Variants in KAZN observed in about 807,000 individuals in gnomAD.
KAZN encodes the protein kazrin, periplakin interacting protein.
In KAZN, 40 loss-of-function variants were observed where a neutral mutation model predicts 87.4. That is an observed-to-expected ratio of 0.46 (90% CI 0.36 to 0.60). The LOEUF (loss-of-function observed/expected upper bound fraction) is 0.60, where lower values mean the gene tolerates loss of function less well. Among genes scored for constraint, KAZN ranks in the 20% least tolerant of loss-of-function variants. KAZN has a pLI of 0.00. For synonymous variants in KAZN, 466 were observed against 458.3 expected (o/e 1.02, Z -0.22); for missense variants, 898 against 1,073.9 (o/e 0.84, Z 2.29).
chr1:14,339,602 C>T (rs1045537341), intron 2 of KAZN, among the ~76,000 whole-genome samples: 5 of 152,164 alleles, frequency 3.3e-5, no homozygotes, highest in Non-Finnish European at 5.9e-5. Context: ...AGCTCAAAGG[C>T]AGGAGAAATT....
intron 2 of KAZN, among the ~76,000 whole-genome samples, chr1:14,532,734 C>G (rs1672281013): frequency 6.7e-6 from 1 of 148,744 alleles, no homozygotes; most frequent in African/African-American, 2.5e-5. Flanking sequence ...GTTTTTTTGT[C>G]CTTGTGATAG....
At position 14,774,106 on chromosome 1, in the gene KAZN, C is replaced by T. The variant is rs113944312; in HGVS notation, c.226+174883C>T. ...ATGCTTTCTTTTCCAGCACCGATAG[C>T]TCTTACCTCTTCCCTAAGCCTCGAC... On this transcript the variant is annotated intron_variant, in intron 1 of 14. Transcript: ENST00000376030. Among the ~76,000 whole-genome samples, 841 of 152,312 alleles carry T rather than the reference C, an allele frequency of 5.5e-3. 3 individuals are homozygous for T. Among genetic ancestry groups the T allele is most frequent in the Non-Finnish European group, 9.4e-3 (639 of 68,026 alleles).
chr1:14,865,916 C>A (rs1651401806), intron 1 of KAZN, among the ~76,000 whole-genome samples: 1 of 152,122 alleles, frequency 6.6e-6, no homozygotes, highest in Admixed American at 6.5e-5. Flanking sequence ...AAGAAACCAC[C>A]AGAAGCTGGG....
At chr1:13,908,418 T>G (rs1199835199) in intron 1 of KAZN, among the ~76,000 whole-genome samples, 1 of 150,846 alleles carries the variant, frequency 6.6e-6, no homozygotes, top group Non-Finnish European at 1.5e-5. Context: ...TCTTTGGCCT[T>G]GACGGCTCTT....
chr1:14,267,999 C>G (rs1195512714), intron 2 of KAZN, among the ~76,000 whole-genome samples: 2 of 152,140 alleles, frequency 1.3e-5, no homozygotes, highest in African/African-American at 2.4e-5. Flanking sequence ...TGTATATATT[C>G]TCAAGTTTAT....
At chr1:14,619,697 T>C (rs75194917) in intron 1 of KAZN, among the ~76,000 whole-genome samples, 1,645 of 152,294 alleles carry the variant, frequency 0.011, 35 homozygotes, top group African/African-American at 0.036. Context: ...TTCCCATTCT[T>C]CCTGCCTCCA....
At chr1:14,424,274 A>C (rs1456265318) in intron 2 of KAZN, among the ~76,000 whole-genome samples, 1 of 152,222 alleles carries the variant, frequency 6.6e-6, no homozygotes, top group African/African-American at 2.4e-5. Context: ...TGATCATTAC[A>C]CTTCACGTAA....
intron 2 of KAZN, among the ~76,000 whole-genome samples, chr1:14,276,173 G>A (rs1281006382): frequency 1.5e-5 from 1 of 65,426 alleles, no homozygotes; most frequent in African/African-American, 3.9e-5. Context: ...GTGTGTGTGT[G>A]TGTGTGTGTG....
At chr1:14,813,338 G>C (rs528558248) in intron 1 of KAZN, among the ~76,000 whole-genome samples, 1 of 152,316 alleles carries the variant, frequency 6.6e-6, no homozygotes, top group African/African-American at 2.4e-5. Flanking sequence ...AAGCCTTGCG[G>C]TTTCCACCTG....
chr1:14,838,578 T>C (rs1167676595), intron 1 of KAZN, among the ~76,000 whole-genome samples: 2 of 152,168 alleles, frequency 1.3e-5, no homozygotes, highest in Non-Finnish European at 2.9e-5. Flanking sequence ...GCTCCCCTCT[T>C]GATCCCATTC....
At chr1:14,340,870 T>TAAA (rs1553159895) in intron 2 of KAZN, among the ~76,000 whole-genome samples, 20 of 149,974 alleles carry the variant, frequency 1.3e-4, no homozygotes, top group Non-Finnish European at 2.8e-4. Context: ...TATATCTCCG[T>TAAA]AAGGGTCATG....
chr1:14,940,112 G>A (rs1404613905), intron 1 of KAZN, among the ~76,000 whole-genome samples: 1 of 152,196 alleles, frequency 6.6e-6, no homozygotes, highest in Non-Finnish European at 1.5e-5. Context: ...TCAGTCAGCT[G>A]CCTCTGTAAG....
At position 15,110,505 on chromosome 1, in the gene KAZN, ATTTGTGTG is replaced by A. The variant is rs755720952; in HGVS notation, c.2049-1912_2049-1905del. ...TTTGTGTGTGTATGTATGTGTGTGT[ATTTGTGTG>A]TTTGTGTGTATGTGTTTGTGTGTGT... On this transcript the variant is annotated intron_variant, in intron 13 of 14. Transcript: ENST00000376030. Among the ~76,000 whole-genome samples the A allele has an allele frequency of 3.3e-4, 5 of 15,084 alleles. No homozygotes were observed. In the Admixed American group the frequency reaches 3.4e-3, roughly 10 times the overall value. 9.9% of individuals were successfully genotyped at this position (15,084 alleles called of 152,430 possible).
chr1:14,791,025 C>A (rs1645658958), intron 1 of KAZN, among the ~76,000 whole-genome samples: 1 of 152,148 alleles, frequency 6.6e-6, no homozygotes, highest in Non-Finnish European at 1.5e-5. Flanking sequence ...GGCTGGATTC[C>A]ATTTGCTGCC....
intron 2 of KAZN, among the ~76,000 whole-genome samples, chr1:14,511,725 G>A (rs74059555): frequency 6.6e-6 from 1 of 152,058 alleles, no homozygotes; most frequent in African/African-American, 2.4e-5. Context: ...GTTATTATAT[G>A]TGTATCAAAT....
At chr1:15,039,227 T>TC (rs34582207) in intron 3 of KAZN, among the ~76,000 whole-genome samples, 33,533 of 151,914 alleles carry the variant, frequency 0.22, 3,936 homozygotes, top group Non-Finnish European at 0.26. Context: ...TTGTCCCCAT[T>TC]CCCCCCATTT....
chr1:14,092,601 A>C (rs1644028473), intron 1 of KAZN, among the ~76,000 whole-genome samples: 1 of 151,948 alleles, frequency 6.6e-6, no homozygotes, highest in African/African-American at 2.4e-5. Context: ...ACATATACAC[A>C]CATATATACA....
chr1:14,583,096 C>G (rs148206673), intron 2 of KAZN, among the ~76,000 whole-genome samples: 3 of 152,192 alleles, frequency 2.0e-5, no homozygotes, highest in Non-Finnish European at 2.9e-5. Context: ...CAAACCTATG[C>G]GACAGAAACT....
rs58803467 is a variant in KAZN, at chr1:14,417,993, C to CAAAAAAA, written c.250-180945_250-180939dup. On this transcript the variant is annotated intron_variant, in intron 2 of 16. Transcript: ENST00000636203. Reference sequence around the variant, plus strand: ...GCTGGGCGACAGAGTGAGACTGCCTCAAAAAAAAAAAAAAAAAAAAAAAAA... The same window carrying CAAAAAAA: ...GCTGGGCGACAGAGTGAGACTGCCTCAAAAAAAAAAAAAAAAAAAAAAAAAAAAAAAA... 4.1e-4 allele frequency among the ~76,000 whole-genome samples: 14 copies of CAAAAAAA among 33,814 alleles called. 2 individuals carry two copies. Among genetic ancestry groups the CAAAAAAA allele is most frequent in the Non-Finnish European group, 5.9e-4 (11 of 18,530 alleles). 22.2% of individuals were successfully genotyped at this position (33,814 alleles called of 152,430 possible).
Sources: allele counts gnomAD v4.1 joint callset (sites outside exome capture counted in the v4.1 genomes callset), GRCh38; gene constraint gnomAD v4.1.1; transcripts MANE v1.5; gene names NCBI Gene and HGNC (gene_info 2026-07-23, HGNC 2026-07-21).